Variants in CARNMT1 observed in about 807,000 individuals in gnomAD.
The protein encoded by CARNMT1 is carnosine N-methyltransferase 1.
In CARNMT1, 28 loss-of-function variants were observed where a neutral mutation model predicts 49.6. The ratio of observed to expected loss-of-function variants is 0.56; its 90% CI spans 0.42 to 0.77. CARNMT1 has a LOEUF of 0.77. Among genes scored for constraint, CARNMT1 ranks in the 30% least tolerant of loss-of-function variants. The pLI is 0.00. For synonymous variants in CARNMT1, 178 were observed against 175.0 expected (o/e 1.02, Z -0.13); for missense variants, 421 against 512.6 (o/e 0.82, Z 1.73).
intron 2 of CARNMT1, chr9:75,016,689 A>G: frequency 2.5e-6 from 1 of 399,218 alleles, no homozygotes. Flanking sequence ...GGAGAGGACC[A>G]AACTGAGCTG....
intron 6 of CARNMT1, among the ~76,000 whole-genome samples, chr9:74,989,852 A>C (rs768726504): frequency 1.1e-4 from 17 of 152,242 alleles, no homozygotes; most frequent in Non-Finnish European, 1.6e-4. Flanking sequence ...AAAGCAGAAA[A>C]TGACCTGCAA....
intron 7 of CARNMT1, 128 bp from the exon 8 acceptor site, chr9:74,983,996 C>T: frequency 2.0e-6 from 1 of 492,862 alleles, no homozygotes. Context: ...TACAACTACC[C>T]CCATAAGAGA....
chr9:75,019,995 C>T (rs138683951), intron 1 of CARNMT1, among the ~76,000 whole-genome samples: 4 of 152,258 alleles, frequency 2.6e-5, no homozygotes, highest in African/African-American at 7.2e-5. Context: ...TGTACAATTG[C>T]ATTTCATAGA....
intron 3 of CARNMT1, among the ~76,000 whole-genome samples, chr9:75,011,069 T>A (rs1229992858): frequency 6.6e-6 from 1 of 152,044 alleles, no homozygotes; most frequent in Non-Finnish European, 1.5e-5. Flanking sequence ...ATGTTCAGTT[T>A]CACTCATCAT....
At chr9:75,007,735 AT>A (rs778712266) in intron 3 of CARNMT1, among the ~76,000 whole-genome samples, 40,872 of 121,172 alleles carry the variant, frequency 0.34, 9,709 homozygotes, top group Non-Finnish European at 0.42. Flanking sequence ...TCTCAAAAAA[AT>A]AAAAATAATA....
intron 2 of CARNMT1, 189 bp downstream of exon 2, chr9:75,017,064 G>A: frequency 3.9e-6 from 2 of 510,658 alleles, no homozygotes; most frequent in Non-Finnish European, 3.4e-6. Flanking sequence ...CTTAAAAAAG[G>A]AAAACAAGTG....
intron 3 of CARNMT1, among the ~76,000 whole-genome samples, chr9:75,015,468 T>C (rs1206185664): frequency 6.6e-6 from 1 of 152,174 alleles, no homozygotes; most frequent in South Asian, 2.1e-4. Context: ...TGTAATCATA[T>C]GCACTTAAAT....
At chr9:75,016,813 T>C (rs1331092615) in intron 2 of CARNMT1, 1 of 250,682 alleles carries the variant, frequency 4.0e-6, no homozygotes, top group African/African-American at 2.2e-5. Flanking sequence ...ATCCTGTGGA[T>C]ACAAAAAGAG....
chr9:74,994,374 A>T (rs982343918), intron 6 of CARNMT1, among the ~76,000 whole-genome samples: 1 of 152,246 alleles, frequency 6.6e-6, no homozygotes, highest in African/African-American at 2.4e-5. Flanking sequence ...CTTCAGGGTA[A>T]CCTGAGTAGA....
At chr9:75,028,426 G>C (rs1822598338), upstream of CARNMT1, 1 of 1,279,890 alleles carries the variant, frequency 7.8e-7, no homozygotes, top group African/African-American at 1.6e-5. Context: ...AGGGCTCCCA[G>C]AACCAATGCG....
chr9:75,019,937 C>T (rs972306583), intron 1 of CARNMT1, among the ~76,000 whole-genome samples: 2 of 152,128 alleles, frequency 1.3e-5, no homozygotes, highest in Non-Finnish European at 2.9e-5. Context: ...TCTGGATAAC[C>T]TCAAGAACAT....
chr9:75,012,813 G>C (rs1405302985), intron 3 of CARNMT1, among the ~76,000 whole-genome samples: 1 of 151,544 alleles, frequency 6.6e-6, no homozygotes, highest in Non-Finnish European at 1.5e-5. Context: ...AGCTACTCGG[G>C]AGGCTGAGGC....
intron 1 of CARNMT1, 143 bp from the exon 2 acceptor site, chr9:75,017,591 G>T: frequency 1.5e-6 from 1 of 673,906 alleles, no homozygotes; most frequent in Non-Finnish European, 2.4e-6. Flanking sequence ...GCTTTAAAAA[G>T]GCATTAACTT....
intron 1 of CARNMT1, among the ~76,000 whole-genome samples, chr9:75,018,331 T>C (rs1366334615): frequency 6.6e-6 from 1 of 152,140 alleles, no homozygotes; most frequent in East Asian, 1.9e-4. Context: ...CCCAAAGTAC[T>C]GGGATTACAG....
chr9:75,017,069 C>A, intron 2 of CARNMT1, 184 bp downstream of exon 2: 1 of 538,838 alleles, frequency 1.9e-6, no homozygotes. Context: ...AAAAGGAAAA[C>A]AAGTGAACAG....
intron 1 of CARNMT1, among the ~76,000 whole-genome samples, chr9:75,025,259 G>C (rs577346934): frequency 2.0e-4 from 30 of 152,272 alleles, no homozygotes; most frequent in Non-Finnish European, 2.9e-4. Context: ...CATTAAATTT[G>C]ATGAAATCTG....
chr9:74,982,403 G>A lies in CARNMT1; in HGVS notation c.*1364C>T, dbSNP rs1269912993. On this transcript the variant is annotated 3_prime_UTR_variant, in exon 8 of 8. Transcript: ENST00000376834. ...AACATTAGTCATCTCTACTTTCCAA[G>A]CTACTGGAAACAGAATATCATACAT... is the stretch of plus-strand genomic sequence containing the variant. The A allele has an allele frequency of 1.3e-5, 2 of 152,210 alleles. No homozygotes were observed. Among genetic ancestry groups the A allele is most frequent in the East Asian group, 3.9e-4 (2 of 5,182 alleles). 9.4% of individuals were successfully genotyped at this position (152,210 alleles called of 1,614,324 possible).
intron 6 of CARNMT1, among the ~76,000 whole-genome samples, chr9:74,992,677 G>A (rs1371966100): frequency 6.6e-6 from 1 of 152,166 alleles, no homozygotes; most frequent in Non-Finnish European, 1.5e-5. Flanking sequence ...CTTAAACTGG[G>A]TAGTGTTAAA....
chr9:74,984,371 G>A (rs1275074417), intron 7 of CARNMT1, among the ~76,000 whole-genome samples: 2 of 151,968 alleles, frequency 1.3e-5, no homozygotes, highest in Non-Finnish European at 2.9e-5. Context: ...TATAATGATC[G>A]GCTACCATTT....
Sources: allele counts gnomAD v4.1 joint callset (sites outside exome capture counted in the v4.1 genomes callset), GRCh38; gene constraint gnomAD v4.1.1; transcripts MANE v1.5; gene names NCBI Gene and HGNC (gene_info 2026-07-23, HGNC 2026-07-21).